The following LAMP3 variants were observed in gnomAD, a reference collection of about 807,000 sequenced individuals.
LAMP3 encodes the protein lysosome associated membrane protein 3, also known as lysosome-associated membrane glycoprotein 3.
Under a neutral mutation model 34.8 loss-of-function variants are expected in LAMP3, and 26 were observed. The observed-to-expected ratio is 0.75, with a 90% CI of 0.55 to 1.04. LAMP3 has a LOEUF of 1.04. LAMP3 is among the 50% of genes least tolerant of loss of function. The pLI is 0.00. For synonymous variants in LAMP3, 180 were observed against 201.9 expected (o/e 0.89, Z 0.92); for missense variants, 495 against 524.0 (o/e 0.94, Z 0.54).
At chr3:183,159,746 A>G (rs77996205) in intron 1 of LAMP3, among the ~76,000 whole-genome samples, 5,581 of 152,326 alleles carry the variant, frequency 0.037, 345 homozygotes, top group African/African-American at 0.13. Context: ...CCTGGAATAA[A>G]GAGTTCTATG....
In LAMP3 at chr3:183,140,604, C is replaced by G. The variant is rs537531024; in HGVS notation, c.889-9G>C. 1.3e-6 allele frequency: 2 copies of G among 1,575,420 alleles called. No homozygotes were observed. The highest frequency in any genetic ancestry group is 2.2e-5 in the East Asian group (1 of 44,666). On this transcript the variant is annotated splice_polypyrimidine_tract_variant and intron_variant, in intron 3 of 5. Coordinates refer to ENST00000265598, the MANE Select transcript of LAMP3 (RefSeq NM_014398.4). ...TAATATGATTCTTCATCCTGTAAAA[C>G]AGTAGGGTGTTAACCTTTGGGTTAT...
intron 2 of LAMP3, among the ~76,000 whole-genome samples, chr3:183,153,193 G>GA (rs1720708870): frequency 1.4e-5 from 2 of 141,412 alleles, no homozygotes; most frequent in South Asian, 2.2e-4. Context: ...AAAAAAAAAA[G>GA]AAAGAAAATA....
At chr3:183,153,269 T>C (rs1720712480) in intron 2 of LAMP3, among the ~76,000 whole-genome samples, 1 of 152,086 alleles carries the variant, frequency 6.6e-6, no homozygotes, top group Non-Finnish European at 1.5e-5. Context: ...TTCTTGTTCA[T>C]GTGGATTTCC....
chr3:183,132,561 A>G (rs1719958094), intron 5 of LAMP3: 1 of 985,258 alleles, frequency 1.0e-6, no homozygotes. Flanking sequence ...CTAATTCCGG[A>G]AGCCAGCACT....
At chr3:183,155,200 G>A (rs149056650) in intron 1 of LAMP3, among the ~76,000 whole-genome samples, 20 of 152,292 alleles carry the variant, frequency 1.3e-4, no homozygotes, top group African/African-American at 4.6e-4. Context: ...GTGAGCCACC[G>A]TGCCCCACCC....
chr3:183,162,737 C>T (rs1576893132), upstream of LAMP3: 5 of 1,307,236 alleles, frequency 3.8e-6, no homozygotes, highest in Admixed American at 3.0e-5. Context: ...CTACCTGTGC[C>T]GGAGAAACGA....
intron 1 of LAMP3, among the ~76,000 whole-genome samples, chr3:183,156,363 A>AC (rs1720822480): frequency 2.1e-5 from 2 of 93,334 alleles, no homozygotes; most frequent in Admixed American, 1.2e-4. Flanking sequence ...CGCTGTCTCA[A>AC]AAACAACAAC....
intron 3 of LAMP3, among the ~76,000 whole-genome samples, chr3:183,142,893 T>C (rs890478970): frequency 1.3e-5 from 2 of 152,256 alleles, no homozygotes; most frequent in Admixed American, 1.3e-4. Flanking sequence ...GCAGAACACC[T>C]GTGAACCCGT....
In LAMP3 at chr3:183,130,614, C is replaced by G. The variant is rs948043161; in HGVS notation, c.1117+5103G>C. On this transcript the variant is annotated intron_variant, in intron 5 of 5. Transcript: ENST00000265598. ...GCCGTTTGGGTGAATTATGGTCTTT[C>G]TTTCCATTGCATCTGAGATCAGTTA... Among the ~76,000 whole-genome samples the G allele has an allele frequency of 3.9e-5, 6 of 152,252 alleles. No individual in the cohort carries two copies. The East Asian group carries it at 1.2e-3, about 29-fold the overall frequency.
Position 183,123,466 on chromosome 3 carries a change from G to C in LAMP3, c.*615C>G, listed in dbSNP as rs1003552299. ...CCCAGCTACTCGGGAAGCTGAAGCA[G>C]GAGAATCACTTGAACCCGGGAGGCG... On this transcript the variant is annotated 3_prime_UTR_variant, in exon 6 of 6. Coordinates refer to ENST00000265598, the MANE Select transcript of LAMP3 (RefSeq NM_014398.4). 1 of 152,702 alleles carries C rather than the reference G, an allele frequency of 6.5e-6. No individual in the cohort carries two copies. Among genetic ancestry groups the C allele is most frequent in the Non-Finnish European group, 1.5e-5 (1 of 68,454 alleles). 9.5% of individuals were successfully genotyped at this position (152,702 alleles called of 1,614,324 possible).
chr3:183,129,410 T>C (rs1466983539), intron 5 of LAMP3, among the ~76,000 whole-genome samples: 2 of 152,160 alleles, frequency 1.3e-5, no homozygotes, highest in East Asian at 3.8e-4. Flanking sequence ...GAGGCACCAA[T>C]TATACTTATG....
intron 1 of LAMP3, among the ~76,000 whole-genome samples, chr3:183,158,915 T>G (rs1462106725): frequency 2.6e-5 from 4 of 151,660 alleles, no homozygotes; most frequent in African/African-American, 7.3e-5. Flanking sequence ...TTTTTTCTCC[T>G]TGAGACAGGG....
At position 183,122,968 on chromosome 3, in the gene LAMP3, G is replaced by A. The variant is rs867472550; in HGVS notation, c.*1113C>T. The A allele has an allele frequency of 2.0e-5, 3 of 152,228 alleles. No individual in the cohort carries two copies. The highest frequency in any genetic ancestry group is 4.8e-5 in the African/African-American group (2 of 41,454). 9.4% of individuals were successfully genotyped at this position (152,228 alleles called of 1,614,324 possible). A position where few individuals can be genotyped will look rare whatever the true frequency, so the allele number is the denominator to read the frequency against. On this transcript the variant is annotated 3_prime_UTR_variant, in exon 6 of 6. Transcript: ENST00000265598. The stretch of plus-strand genomic sequence containing the variant: ...CATCAGTTAGCCAGGTGACATTTAA[G>A]TGATTCAGTTCCCTTAAGTCTCAGT...
At chr3:183,130,529 G>A (rs1210079131) in intron 5 of LAMP3, among the ~76,000 whole-genome samples, 1 of 152,144 alleles carries the variant, frequency 6.6e-6, no homozygotes, top group Non-Finnish European at 1.5e-5. Flanking sequence ...TGGCCATGCA[G>A]TTTGTTTTCA....
At chr3:183,136,848 T>A (rs1720112508) in intron 4 of LAMP3, among the ~76,000 whole-genome samples, 1 of 151,508 alleles carries the variant, frequency 6.6e-6, no homozygotes, top group Non-Finnish European at 1.5e-5. Flanking sequence ...AAGTTAAACA[T>A]TTTAATCATT....
rs1576893064 is a variant in LAMP3 at position 183,162,683 on chromosome 3, G to A, written c.-28C>T. ...TGGGCGCTGGGCGAGGTTCTGCAGCGTGCGGCGAAGTCCGGGCAGGCCCCG... is the reference window on the plus strand; with the variant it reads ...TGGGCGCTGGGCGAGGTTCTGCAGCATGCGGCGAAGTCCGGGCAGGCCCCG... On this transcript the variant is annotated 5_prime_UTR_variant, in exon 1 of 6. In the 5' UTR this introduces an upstream ATG that the reference lacks. Coordinates refer to ENST00000265598, the MANE Select transcript of LAMP3 (RefSeq NM_014398.4). 2.0e-6 allele frequency: 3 copies of A among 1,504,540 alleles called. No individual in the cohort carries two copies. The highest frequency in any genetic ancestry group is 2.6e-6 in the Non-Finnish European group (3 of 1,132,698). The allele number at this position is 1,504,540 out of a possible 1,614,324, so 93.2% of individuals were successfully genotyped here.
chr3:183,138,773 T>G (rs981277366), intron 4 of LAMP3, among the ~76,000 whole-genome samples: 4 of 152,196 alleles, frequency 2.6e-5, no homozygotes, highest in Non-Finnish European at 5.9e-5. Context: ...TCCTGACCCT[T>G]GCCTTGCCAC....
At chr3:183,140,738 T>C (rs779377503) in intron 3 of LAMP3, 143 bp from the exon 4 acceptor site, 6 of 530,122 alleles carry the variant, frequency 1.1e-5, no homozygotes, top group African/African-American at 2.0e-5. Context: ...CATAATTGTG[T>C]ATGAAAATTC....
rs770236179 is a variant in LAMP3, at chr3:183,152,512, A to G, written c.760-9T>C. On this transcript the variant is annotated splice_polypyrimidine_tract_variant and intron_variant, in intron 2 of 5. Transcript: ENST00000265598. ...CTCCGAGGTGAAAAAACCTAAATCA[A>G]GTTAGATAGATCAGCTAAATGAGAT... 1 of 1,604,740 alleles carries G rather than the reference A, an allele frequency of 6.2e-7. No homozygotes were observed. The highest frequency in any genetic ancestry group is 2.3e-5 in the East Asian group (1 of 44,110).
Sources: gnomAD v4.1 joint callset for allele counts (sites outside exome capture counted in the v4.1 genomes callset) on GRCh38, gnomAD v4.1.1 for gene constraint, MANE v1.5 for transcripts, NCBI Gene and HGNC (gene_info 2026-07-23, HGNC 2026-07-21) for gene names.